Variants in NFAM1 observed in about 807,000 individuals in gnomAD.
NFAM1 encodes NFAT activation molecule 1.
Under a neutral mutation model 29.0 loss-of-function variants are expected in NFAM1, and 17 were observed. That is an observed-to-expected ratio of 0.59 (90% confidence interval 0.40 to 0.88). The LOEUF (loss-of-function observed/expected upper bound fraction) is 0.88, where lower values mean the gene tolerates loss of function less well. Ranked by LOEUF, NFAM1 falls within the 40% of genes least tolerant of loss-of-function variation. The pLI, the probability that NFAM1 is intolerant of heterozygous loss-of-function variation, is 0.00. For missense variants in NFAM1, 324 were observed against 344.6 expected (o/e 0.94, Z 0.47); for synonymous variants, 175 against 147.2 (o/e 1.19, Z -1.36).
chr22:42,417,628 T>A (rs1359794882), intron 1 of NFAM1, among the ~76,000 whole-genome samples: 1 of 150,842 alleles, frequency 6.6e-6, no homozygotes, highest in Admixed American at 6.6e-5. Context: ...GGGCAGAGAG[T>A]GAGGAGGGGC....
At chr22:42,395,199 C>T (rs1181791584) in intron 4 of NFAM1, among the ~76,000 whole-genome samples, 1 of 143,656 alleles carries the variant, frequency 7.0e-6, no homozygotes, top group African/African-American at 2.6e-5. Flanking sequence ...ACAGGCCAAG[C>T]GTGGTGGCTC....
chr22:42,433,243 G>A (rs1930863248), upstream of NFAM1, among the ~76,000 whole-genome samples: 1 of 152,218 alleles, frequency 6.6e-6, no homozygotes, highest in Non-Finnish European at 1.5e-5. Flanking sequence ...AAGGGGCTGG[G>A]GTGTGGTGAT....
Position 42,385,174 on chromosome 22 carries a change from T to C in NFAM1, c.800A>G (p.Tyr267Cys). ...FEDDGELNLVYENL is the reference protein window; with the variant it reads ...FEDDGELNLVCENL ...GTGGAGCCCATCCTAGAGATTTTCATAGACCAGGTTAAGTTCGCCATCATC... is the reference window on the plus strand; with the variant it reads ...GTGGAGCCCATCCTAGAGATTTTCACAGACCAGGTTAAGTTCGCCATCATC... The change falls in exon 6 of 6, where the codon TAT (tyrosine) becomes TGT (cysteine). Residue 267 changes from tyrosine (Y) to cysteine (C), a missense_variant. Tyr to Cys is a radical substitution (Grantham distance 194, BLOSUM62 -2). Transcript: ENST00000329021. 1 of 1,613,422 alleles carries C rather than the reference T, an allele frequency of 6.2e-7. No individual in the cohort carries two copies. Among genetic ancestry groups the C allele is most frequent in the Non-Finnish European group, 8.5e-7 (1 of 1,179,360 alleles).
chr22:42,411,810 G>T, intron 1 of NFAM1, 74 bp from the exon 2 acceptor site: 1 of 1,050,502 alleles, frequency 9.5e-7, no homozygotes, highest in East Asian at 2.5e-5. Context: ...GCCTGTTAAG[G>T]CTCACGACCG....
At chr22:42,416,977 G>A (rs568629090) in intron 1 of NFAM1, among the ~76,000 whole-genome samples, 15 of 152,220 alleles carry the variant, frequency 9.9e-5, no homozygotes, top group African/African-American at 3.6e-4. Context: ...CAGAATTCCA[G>A]TTAGCAATCC....
chr22:42,400,511 G>A (rs761520059), intron 3 of NFAM1, among the ~76,000 whole-genome samples: 12 of 152,146 alleles, frequency 7.9e-5, no homozygotes, highest in Admixed American at 1.3e-4. Flanking sequence ...CCAGCTACTC[G>A]GGAGGCTGAG....
In NFAM1 at chr22:42,389,593, T is replaced by TGGGGCTGGGC. The variant is rs1032536967; in HGVS notation, c.664-2525_664-2516dup. ...CCTTGGAATGGGCCACTTGTGGGGC[T>TGGGGCTGGGC]GGGGCTGGGCTGGGCTGGGGGTTGG... On this transcript the variant is annotated intron_variant, in intron 4 of 5. Coordinates refer to ENST00000329021, the MANE Select transcript of NFAM1 (RefSeq NM_145912.8). Among the ~76,000 whole-genome samples, 19 of 95,374 alleles carry TGGGGCTGGGC rather than the reference T, an allele frequency of 2.0e-4. No homozygotes were observed. In the East Asian group the frequency reaches 5.7e-3, roughly 28 times the overall value. 62.6% of individuals were successfully genotyped at this position (95,374 alleles called of 152,430 possible).
intron 4 of NFAM1, 51 bp from the exon 5 acceptor site, chr22:42,387,129 C>A: frequency 2.8e-6 from 3 of 1,088,436 alleles, no homozygotes; most frequent in South Asian, 2.8e-5. Flanking sequence ...GAGGGGCAGT[C>A]CCTGGCCCCA....
rs1160377364 is a variant in NFAM1, at chr22:42,432,244, T to A, written c.114A>T (p.Arg38=). ...GAGGAAGACAGACACTACCTGCCAG[T>A]CGCAGGGTCCCGGGCAGCAGCAGCA... ...LGVLLLPGTL[R]LAGGQSVTHT... The change falls in exon 1 of 6, where the codon CGA becomes CGT. Residue 38 remains arginine, a synonymous_variant. Coordinates refer to ENST00000329021, the MANE Select transcript of NFAM1 (RefSeq NM_145912.8). 2 of 1,572,626 alleles carry A rather than the reference T, an allele frequency of 1.3e-6. No homozygotes were observed. Among genetic ancestry groups the A allele is most frequent in the Non-Finnish European group, 1.7e-6 (2 of 1,158,540 alleles).
At chr22:42,436,221 C>G (rs1375319720), upstream of NFAM1, among the ~76,000 whole-genome samples, 1 of 152,192 alleles carries the variant, frequency 6.6e-6, no homozygotes, top group African/African-American at 2.4e-5. Flanking sequence ...CCTTTCTGCA[C>G]AGGAAGCAGA....
rs574803065 is a variant in NFAM1 at position 42,403,284 on chromosome 22, T to A, written c.565-5328A>T. On this transcript the variant is annotated intron_variant, in intron 3 of 5. Transcript: ENST00000329021. ...GAACGAAGGCCCAACTCTGTGCTTT[T>A]AAGCCCCCTGCTGATTTCTACTTCC... Among the ~76,000 whole-genome samples, 3 of 152,326 alleles carry A rather than the reference T, an allele frequency of 2.0e-5. No individual in the cohort carries two copies. In the South Asian group the frequency reaches 6.2e-4, roughly 32 times the overall value.
At chr22:42,414,894 T>G (rs1930205548) in intron 1 of NFAM1, among the ~76,000 whole-genome samples, 1 of 152,134 alleles carries the variant, frequency 6.6e-6, no homozygotes, top group Admixed American at 6.6e-5. Flanking sequence ...TTCTAGAAAA[T>G]GATGAACTCT....
intron 2 of NFAM1, among the ~76,000 whole-genome samples, 155 bp downstream of exon 2, chr22:42,411,252 G>A (rs572405268): frequency 1.7e-4 from 26 of 152,204 alleles, no homozygotes; most frequent in African/African-American, 6.3e-4. Context: ...TCGAATCCCT[G>A]ACCTCAGGTG....
rs1214329374 is a variant in NFAM1 at position 42,380,635 on chromosome 22, G to C, written c.*4526C>G. 3 of 152,688 alleles carry C rather than the reference G, an allele frequency of 2.0e-5. No homozygotes were observed. Among genetic ancestry groups the C allele is most frequent in the Non-Finnish European group, 4.4e-5 (3 of 68,048 alleles). The allele number at this position is 152,688 out of a possible 1,614,324, so 9.5% of individuals were successfully genotyped here. On this transcript the variant is annotated 3_prime_UTR_variant, in exon 6 of 6. Coordinates refer to ENST00000329021, the MANE Select transcript of NFAM1 (RefSeq NM_145912.8). ...ACATCCCCTGGCATTGCAAGGAATG[G>C]AGTGACGCCACTCAGCCTGGCTGGA...
chr22:42,415,301 T>C (rs1316501819), intron 1 of NFAM1, among the ~76,000 whole-genome samples: 1 of 142,028 alleles, frequency 7.0e-6, no homozygotes, highest in Non-Finnish European at 1.5e-5. Flanking sequence ...TTTCTTTTTT[T>C]TTTTTTTTTT....
intron 1 of NFAM1, among the ~76,000 whole-genome samples, chr22:42,430,859 G>T (rs1448449168): frequency 6.6e-6 from 1 of 152,080 alleles, no homozygotes; most frequent in African/African-American, 2.4e-5. Context: ...GAATTGGGGG[G>T]AAATTAAATT....
intron 4 of NFAM1, among the ~76,000 whole-genome samples, chr22:42,389,499 A>G (rs903864897): frequency 6.6e-6 from 1 of 151,200 alleles, no homozygotes; most frequent in South Asian, 2.1e-4. Context: ...GCAACAGGAC[A>G]CCCTTTGAGC....
At chr22:42,420,865 C>G (rs1601758572) in intron 1 of NFAM1, among the ~76,000 whole-genome samples, 1 of 152,196 alleles carries the variant, frequency 6.6e-6, no homozygotes, top group Non-Finnish European at 1.5e-5. Context: ...AATTCAGAGG[C>G]TGTTTCCTTA....
At chr22:42,387,265 G>T (rs781670769) in intron 4 of NFAM1, among the ~76,000 whole-genome samples, 187 bp from the exon 5 acceptor site, 6 of 152,026 alleles carry the variant, frequency 3.9e-5, no homozygotes, top group Non-Finnish European at 7.4e-5. Flanking sequence ...GCCTGTAAAG[G>T]GCTGACCCCT....
Sources: allele counts gnomAD v4.1 joint callset (sites outside exome capture counted in the v4.1 genomes callset), GRCh38; gene constraint gnomAD v4.1.1; transcripts MANE v1.5; gene names NCBI Gene and HGNC (gene_info 2026-07-23, HGNC 2026-07-21).